CYP2J2: variants seen among roughly 807,000 people sequenced by gnomAD.
CYP2J2 encodes cytochrome P450 family 2 subfamily J member 2, also known as cytochrome P450 2J2.
CYP2J2 carries 41 observed loss-of-function variants against 48.8 expected under a neutral mutation model. The observed-to-expected ratio is 0.84, with a 90% CI of 0.66 to 1.09. The LOEUF is 1.09. Ranked by LOEUF, CYP2J2 falls within the 50% of genes least tolerant of loss-of-function variation. The pLI is 0.00. For synonymous variants in CYP2J2, 221 were observed against 227.1 expected (o/e 0.97, Z 0.24); for missense variants, 644 against 617.3 (o/e 1.04, Z -0.46).
At chr1:59,915,376 G>A (rs1644455636) in intron 2 of CYP2J2, among the ~76,000 whole-genome samples, 1 of 152,132 alleles carries the variant, frequency 6.6e-6, no homozygotes, top group African/African-American at 2.4e-5. Context: ...ATACCTAAAA[G>A]TGGTGATTTA....
the CYP2J2 span, among the ~76,000 whole-genome samples, chr1:59,942,988 T>C: frequency 6.6e-6 from 1 of 152,164 alleles, no homozygotes; most frequent in Non-Finnish European, 1.5e-5. Context: ...GTAAAAATAG[T>C]TAATGTTTCA....
chr1:59,898,607 T>C (rs1290070336), intron 8 of CYP2J2, among the ~76,000 whole-genome samples: 2 of 152,240 alleles, frequency 1.3e-5, no homozygotes, highest in Admixed American at 6.5e-5. Context: ...AATTAGTGAA[T>C]CTTAGGCCTT....
chr1:59,894,229 A>G (rs1644249536), intron 8 of CYP2J2, among the ~76,000 whole-genome samples: 1 of 152,232 alleles, frequency 6.6e-6, no homozygotes, highest in Non-Finnish European at 1.5e-5. Flanking sequence ...TCCTTAAAAA[A>G]ATTGTTGAAA....
the CYP2J2 span, among the ~76,000 whole-genome samples, chr1:59,964,321 G>A: frequency 1.3e-5 from 2 of 152,196 alleles, no homozygotes; most frequent in Non-Finnish European, 2.9e-5. Flanking sequence ...TACTACCACA[G>A]TACTGGGATG....
intron 1 of CYP2J2, among the ~76,000 whole-genome samples, chr1:59,916,474 C>A (rs1161447634): frequency 6.6e-6 from 1 of 152,202 alleles, no homozygotes; most frequent in Non-Finnish European, 1.5e-5. Context: ...TGGCTTACGC[C>A]TGTAATCCCA....
At chr1:59,904,203 C>T (rs1401597931) in intron 7 of CYP2J2, among the ~76,000 whole-genome samples, 3 of 152,034 alleles carry the variant, frequency 2.0e-5, no homozygotes, top group East Asian at 1.9e-4. Flanking sequence ...GGTGAAACCC[C>T]GTCTCTACTA....
At chr1:59,962,156 T>C in the CYP2J2 span, among the ~76,000 whole-genome samples, 1 of 152,130 alleles carries the variant, frequency 6.6e-6, no homozygotes, top group Non-Finnish European at 1.5e-5. Flanking sequence ...TATTAAAAAA[T>C]GAAGGCAGAA....
chr1:59,940,516 A>G, the CYP2J2 span, among the ~76,000 whole-genome samples: 2 of 152,194 alleles, frequency 1.3e-5, no homozygotes, highest in African/African-American at 4.8e-5. Context: ...TTTTGCACCA[A>G]ACTAATAGTA....
intron 2 of CYP2J2, chr1:59,913,351 A>G (rs560042071): frequency 3.9e-5 from 6 of 152,236 alleles, no homozygotes; most frequent in South Asian, 4.2e-4. Flanking sequence ...TTTAAATAAC[A>G]TCTATTGATA....
intron 4 of CYP2J2, among the ~76,000 whole-genome samples, chr1:59,911,064 C>A (rs1432218883): frequency 1.3e-5 from 2 of 152,138 alleles, no homozygotes; most frequent in Admixed American, 1.3e-4. Context: ...AACACTTGTA[C>A]AAGAATGTTC....
At chr1:59,925,505 G>A (rs1291820861) in intron 1 of CYP2J2, among the ~76,000 whole-genome samples, 1 of 152,070 alleles carries the variant, frequency 6.6e-6, no homozygotes, top group Non-Finnish European at 1.5e-5. Context: ...GAGTCAAACT[G>A]GAAATAATTA....
At chr1:59,957,675 CACACAG>C in the CYP2J2 span, among the ~76,000 whole-genome samples, 18 of 130,402 alleles carry the variant, frequency 1.4e-4, no homozygotes, top group African/African-American at 4.6e-4. Flanking sequence ...TATTCACAGA[CACACAG>C]ACACACACAC....
the CYP2J2 span, among the ~76,000 whole-genome samples, chr1:59,939,305 C>T: frequency 2.8e-4 from 42 of 152,322 alleles, no homozygotes; most frequent in African/African-American, 9.9e-4. Context: ...GCGCCCCAAG[C>T]CCAGTAACAC....
Position 59,916,167 on chromosome 1 carries a change from G to A in CYP2J2, c.211-67C>T, listed in dbSNP as rs1205146789. Reference sequence around the variant, plus strand: ...CCATGTGTTCAGAAATGGAGGATGTGTGTAGCTGGAGGGGATCATATTGAG... The same window carrying A: ...CCATGTGTTCAGAAATGGAGGATGTATGTAGCTGGAGGGGATCATATTGAG... On this transcript the variant is annotated intron_variant, in intron 1 of 8. Transcript: ENST00000371204. The A allele has an allele frequency of 1.6e-5, 22 of 1,398,304 alleles. No homozygotes were observed. The East Asian group carries it at 3.4e-4, about 22-fold the overall frequency. 86.6% of individuals were successfully genotyped at this position (1,398,304 alleles called of 1,614,324 possible). A position where few individuals can be genotyped will look rare whatever the true frequency, so the allele number is the denominator to read the frequency against.
At chr1:59,897,794 A>G (rs1284644792) in intron 8 of CYP2J2, among the ~76,000 whole-genome samples, 1 of 152,174 alleles carries the variant, frequency 6.6e-6, no homozygotes, top group Non-Finnish European at 1.5e-5. Context: ...ACCTGTCTTG[A>G]TTATGCACAC....
chr1:59,908,385 G>A (rs1644383209), intron 5 of CYP2J2, among the ~76,000 whole-genome samples: 2 of 152,312 alleles, frequency 1.3e-5, no homozygotes, highest in South Asian at 4.1e-4. Context: ...AGGACGCAGA[G>A]CAAATACTCA....
the CYP2J2 span, among the ~76,000 whole-genome samples, chr1:59,948,290 T>A: frequency 6.6e-6 from 1 of 152,188 alleles, no homozygotes; most frequent in Non-Finnish European, 1.5e-5. Context: ...GAATGGTATG[T>A]CCAAAAACTC....
chr1:59,942,554 A>G, the CYP2J2 span, among the ~76,000 whole-genome samples: 2 of 152,190 alleles, frequency 1.3e-5, no homozygotes, highest in African/African-American at 4.8e-5. Flanking sequence ...AAGTTTGATT[A>G]GAAGCCGTTG....
intron 1 of CYP2J2, among the ~76,000 whole-genome samples, chr1:59,917,569 CAG>C (rs1352692188): frequency 1.3e-5 from 2 of 151,986 alleles, no homozygotes; most frequent in Non-Finnish European, 1.5e-5. Flanking sequence ...ACCTGAGTGA[CAG>C]AGTTTAGTGG....
Sources: allele counts gnomAD v4.1 joint callset (sites outside exome capture counted in the v4.1 genomes callset), GRCh38; gene constraint gnomAD v4.1.1; transcripts MANE v1.5; gene names NCBI Gene and HGNC (gene_info 2026-07-23, HGNC 2026-07-21).